Variants in KCNAB1 observed in about 807,000 individuals in gnomAD.
KCNAB1 encodes potassium voltage-gated channel subfamily A regulatory beta subunit 1.
A neutral mutation model predicts 64.6 loss-of-function variants in KCNAB1; 35 were observed. The ratio of observed to expected loss-of-function variants is 0.54; its 90% CI spans 0.41 to 0.72. The LOEUF (loss-of-function observed/expected upper bound fraction) is 0.72, where lower values mean the gene tolerates loss of function less well. Ranked by LOEUF, KCNAB1 falls within the 30% of genes least tolerant of loss-of-function variation. The pLI, the probability that KCNAB1 is intolerant of heterozygous loss-of-function variation, is 0.00. For missense variants in KCNAB1, 401 were observed against 512.9 expected, an observed-to-expected ratio of 0.78 and a Z score of 2.11; for synonymous variants, 177 against 183.8, an observed-to-expected ratio of 0.96 and a Z score of 0.30.
chr3:156,328,879 C>T (rs547856101), intron 1 of KCNAB1, among the ~76,000 whole-genome samples: 2 of 152,146 alleles, frequency 1.3e-5, no homozygotes, highest in South Asian at 4.2e-4. Context: ...GAGTCTTTGC[C>T]TTGTTGAAAT....
At chr3:156,332,154 G>T (rs1347574934) in intron 1 of KCNAB1, among the ~76,000 whole-genome samples, 1 of 152,084 alleles carries the variant, frequency 6.6e-6, no homozygotes, top group African/African-American at 2.4e-5. Context: ...ATTAAAATGA[G>T]TTTGGTTACC....
In KCNAB1 at chr3:156,486,994, A is replaced by T. The variant is rs570122733; in HGVS notation, c.658+12174A>T. Among the ~76,000 whole-genome samples, 10 of 152,250 alleles carry T rather than the reference A, an allele frequency of 6.6e-5. No individual in the cohort carries two copies. In the East Asian group the frequency reaches 1.7e-3, roughly 27 times the overall value. On this transcript the variant is annotated intron_variant, in intron 8 of 13. Transcript: ENST00000490337. ...AATGTTAAGGACCAGTAGGAGATTT[A>T]AAAAAATTAAGCTGAAGGATTACAT...
At chr3:156,143,203 G>T (rs1429236974) in intron 1 of KCNAB1, 1 of 1,612,250 alleles carries the variant, frequency 6.2e-7, no homozygotes. Context: ...ACCTGCCTGT[G>T]CAGACATCCC....
chr3:156,190,825 C>T (rs559470298), intron 1 of KCNAB1, among the ~76,000 whole-genome samples: 2 of 152,172 alleles, frequency 1.3e-5, no homozygotes, highest in Admixed American at 6.5e-5. Context: ...TCCCAAGTAG[C>T]TGGGATTACA....
chr3:156,159,898 C>T (rs893655781), intron 1 of KCNAB1, among the ~76,000 whole-genome samples: 10 of 152,168 alleles, frequency 6.6e-5, no homozygotes, highest in African/African-American at 2.4e-4. Context: ...GAGTTTACAA[C>T]AGTAAAAGAC....
At chr3:156,153,297 G>A (rs564522958) in intron 1 of KCNAB1, among the ~76,000 whole-genome samples, 3 of 152,144 alleles carry the variant, frequency 2.0e-5, no homozygotes, top group East Asian at 1.9e-4. Flanking sequence ...CATTGTTCTC[G>A]TAGGAAATAG....
Position 156,178,309 on chromosome 3 carries a change from C to T in KCNAB1, c.275+57423C>T, listed in dbSNP as rs546974167. On this transcript the variant is annotated intron_variant, in intron 1 of 13. Transcript: ENST00000490337. ...GTCATTTAGAAACTGGGGTTGAGAA[C>T]TATCAGGCAAGGAGACCTCTACAAT... Among the ~76,000 whole-genome samples, 385 of 152,304 alleles carry T rather than the reference C, an allele frequency of 2.5e-3. 2 individuals carry two copies. The highest frequency in any genetic ancestry group is 6.8e-3 in the Middle Eastern group (2 of 294).
chr3:156,523,808 A>G lies in KCNAB1; in HGVS notation c.961-19A>G. 6.2e-7 allele frequency: 1 copy of G among 1,606,176 alleles called. No homozygotes were observed. Among genetic ancestry groups the G allele is most frequent in the South Asian group, 1.1e-5 (1 of 89,996 alleles). ...ATCTTTACCAGACATTAACATTTCA[A>G]TGTTATGCTTTTCCCCAGTGCTACC... On this transcript the variant is annotated intron_variant, in intron 11 of 13. Transcript: ENST00000490337.
At chr3:156,254,181 AAGAG>A (rs1190005015) in intron 1 of KCNAB1, among the ~76,000 whole-genome samples, 3 of 152,228 alleles carry the variant, frequency 2.0e-5, no homozygotes, top group Non-Finnish European at 4.4e-5. Context: ...TAAAAATAAA[AAGAG>A]AGCAGAGGTT....
intron 8 of KCNAB1, among the ~76,000 whole-genome samples, chr3:156,507,526 T>C (rs1716906342): frequency 6.6e-6 from 1 of 152,218 alleles, no homozygotes; most frequent in Admixed American, 6.5e-5. Flanking sequence ...GATAGTCCTC[T>C]ATCTCCAGGC....
intron 1 of KCNAB1, among the ~76,000 whole-genome samples, chr3:156,223,059 C>G (rs1715885272): frequency 6.6e-6 from 1 of 152,208 alleles, no homozygotes; most frequent in Admixed American, 6.5e-5. Flanking sequence ...AGCCACGGAC[C>G]CTCACAGTGA....
intron 8 of KCNAB1, among the ~76,000 whole-genome samples, chr3:156,497,352 A>G (rs1411899564): frequency 6.6e-6 from 1 of 152,242 alleles, no homozygotes; most frequent in African/African-American, 2.4e-5. Context: ...GCTTCCTGTT[A>G]TAGCATGAAA....
chr3:156,366,361 C>G (rs573154408), intron 1 of KCNAB1, among the ~76,000 whole-genome samples: 1 of 152,312 alleles, frequency 6.6e-6, no homozygotes, highest in Admixed American at 6.5e-5. Flanking sequence ...TCATCTGTCT[C>G]CTCCACTGGA....
chr3:156,463,943 A>G (rs1308812881), intron 6 of KCNAB1, among the ~76,000 whole-genome samples, 197 bp downstream of exon 6: 1 of 152,172 alleles, frequency 6.6e-6, no homozygotes, highest in Non-Finnish European at 1.5e-5. Flanking sequence ...TCCCAAAGAA[A>G]TTTAGTGCAA....
chr3:156,370,065 G>A (rs73873343), intron 1 of KCNAB1, among the ~76,000 whole-genome samples: 3,630 of 152,224 alleles, frequency 0.024, 155 homozygotes, highest in African/African-American at 0.082. Flanking sequence ...TCCACCCTCT[G>A]GACAGTTTGT....
intron 1 of KCNAB1, among the ~76,000 whole-genome samples, chr3:156,337,483 C>G (rs1269380682): frequency 6.6e-6 from 1 of 152,152 alleles, no homozygotes; most frequent in Non-Finnish European, 1.5e-5. Flanking sequence ...CCTCCTCCTC[C>G]TGGAGCCAGA....
intron 11 of KCNAB1, among the ~76,000 whole-genome samples, chr3:156,520,365 G>C (rs975957141): frequency 2.0e-5 from 3 of 152,124 alleles, no homozygotes; most frequent in Non-Finnish European, 4.4e-5. Context: ...CAGATCGCTT[G>C]AGCCCAGGAG....
intron 4 of KCNAB1, among the ~76,000 whole-genome samples, chr3:156,458,720 C>T (rs188140789): frequency 1.3e-5 from 2 of 152,292 alleles, no homozygotes; most frequent in Admixed American, 1.3e-4. Context: ...CTTGTGGAAT[C>T]CTGCTTAGTA....
chr3:156,387,014 C>CT (rs1194708289), intron 1 of KCNAB1, among the ~76,000 whole-genome samples: 4,062 of 90,574 alleles, frequency 0.045, 181 homozygotes, highest in South Asian at 0.097. Flanking sequence ...TTCTCTCTCT[C>CT]TTTTTTTTTT....
Sources: allele counts gnomAD v4.1 joint callset (sites outside exome capture counted in the v4.1 genomes callset), GRCh38; gene constraint gnomAD v4.1.1; transcripts MANE v1.5; gene names NCBI Gene and HGNC (gene_info 2026-07-23, HGNC 2026-07-21).